The following LAMA1 variants were observed in gnomAD, a reference collection of about 807,000 sequenced individuals.
LAMA1 encodes the protein laminin subunit alpha-1.
A neutral mutation model predicts 348.7 loss-of-function variants in LAMA1; 219 were observed. The ratio of observed to expected loss-of-function variants is 0.63; its 90% CI spans 0.56 to 0.70. The LOEUF (loss-of-function observed/expected upper bound fraction) is 0.70. LAMA1 is among the 30% of genes least tolerant of loss of function. The pLI, the probability that LAMA1 is intolerant of heterozygous loss-of-function variation, is 0.00. For synonymous variants in LAMA1, 1,487 were observed against 1,491.0 expected (o/e 1.00, Z 0.06); for missense variants, 3,744 against 3,888.0 (o/e 0.96, Z 0.99).
At chr18:7,057,157 C>T (rs1274979164) in intron 3 of LAMA1, among the ~76,000 whole-genome samples, 1 of 152,104 alleles carries the variant, frequency 6.6e-6, no homozygotes, top group Non-Finnish European at 1.5e-5. Flanking sequence ...AGGCACCATG[C>T]CCCAACAACT....
At position 7,015,762 on chromosome 18, in the gene LAMA1, T is replaced by G; in HGVS notation, c.3086A>C (p.Glu1029Ala). The G allele has an allele frequency of 6.2e-7, 1 of 1,614,068 alleles. No homozygotes were observed. Among genetic ancestry groups the G allele is most frequent in the Non-Finnish European group, 8.5e-7 (1 of 1,180,004 alleles). Reference sequence around the variant, plus strand: ...CGCATCGTAGCCCCAGTGCCCATCCTCACATTCTTCACACTTCACACCCTG... The same window carrying G: ...CGCATCGTAGCCCCAGTGCCCATCCGCACATTCTTCACACTTCACACCCTG... ...HTQGVKCEECEDGHWGYDAEV... is the reference protein window; with the variant it reads ...HTQGVKCEECADGHWGYDAEV... The change falls in exon 22 of 63, where the codon GAG becomes GCG. Residue 1029 changes from glutamate to alanine, a missense_variant. Coordinates refer to ENST00000389658, the MANE Select transcript of LAMA1 (RefSeq NM_005559.4).
At chr18:6,954,945 G>A (rs2013077) in intron 57 of LAMA1, 130,421 of 318,854 alleles carry the variant, frequency 0.41, 29,210 homozygotes, top group East Asian at 0.63. Flanking sequence ...TGCAGAGAGG[G>A]GTGGGTGTGG....
chr18:7,078,535 G>A (rs1164399701), intron 3 of LAMA1, among the ~76,000 whole-genome samples: 3 of 152,112 alleles, frequency 2.0e-5, no homozygotes, highest in African/African-American at 4.8e-5. Flanking sequence ...TCTTATACCT[G>A]AAAGCTATTA....
chr18:7,072,403 A>G (rs140078005), intron 3 of LAMA1, among the ~76,000 whole-genome samples: 14 of 152,292 alleles, frequency 9.2e-5, no homozygotes, highest in African/African-American at 3.4e-4. Flanking sequence ...ACCACACTTC[A>G]TGCATCTCCA....
At chr18:6,988,771 A>C (rs2057746181) in intron 36 of LAMA1, among the ~76,000 whole-genome samples, 1 of 141,326 alleles carries the variant, frequency 7.1e-6, no homozygotes, top group Non-Finnish European at 1.5e-5. Context: ...CGCACCACTG[A>C]ACCCCAACCT....
At chr18:6,965,933 A>G in intron 49 of LAMA1, 1 of 572,790 alleles carries the variant, frequency 1.7e-6, no homozygotes, top group South Asian at 2.2e-5. Flanking sequence ...GTGTTCTTCT[A>G]TATTTTTCTA....
In LAMA1 at chr18:6,997,881, C is replaced by T. The variant is rs780069219; in HGVS notation, c.4667G>A (p.Cys1556Tyr). The change falls in exon 33 of 63, where the codon TGT (cysteine) becomes TAT (tyrosine). Residue 1556 changes from cysteine (C) to tyrosine (Y), a missense_variant. Cys to Tyr is a radical substitution (Grantham distance 194). Coordinates refer to ENST00000389658, the MANE Select transcript of LAMA1 (RefSeq NM_005559.4). ...HILMETDCVS[C>Y]DDECVGVLLN... ...CAGCACACCTACACACTCATCATCA[C>T]AGGCTACAAGACAAATTTTTAAAAA... 6.2e-7 allele frequency: 1 copy of T among 1,614,102 alleles called. No homozygotes were observed. The highest frequency in any genetic ancestry group is 2.2e-5 in the East Asian group (1 of 44,886).
chr18:6,965,320 T>C lies in LAMA1; in HGVS notation c.7163A>G (p.Tyr2388Cys), dbSNP rs144702457. 6.2e-7 allele frequency: 1 copy of C among 1,614,228 alleles called. No homozygotes were observed. The highest frequency in any genetic ancestry group is 8.5e-7 in the Non-Finnish European group (1 of 1,180,026). The change falls in exon 50 of 63, where the codon TAC (tyrosine) becomes TGC (cysteine). Residue 2388 changes from tyrosine to cysteine, a missense_variant. Around this residue, in one of 3 missense-constraint regions of LAMA1, gnomAD observed 1,983 missense variants for 1,934.3 expected, o/e 1.03. Coordinates refer to ENST00000389658, the MANE Select transcript of LAMA1 (RefSeq NM_005559.4). Reference sequence around the variant, plus strand: ...CCGGTTTCGCTGGAAGGCAATTTTGTACCAGGTTCCATTGTTATAACGTCT... The same window carrying C: ...CCGGTTTCGCTGGAAGGCAATTTTGCACCAGGTTCCATTGTTATAACGTCT... ...TDRRYNNGTW[Y>C]KIAFQRNRKQ...
intron 17 of LAMA1, among the ~76,000 whole-genome samples, chr18:7,025,492 T>C (rs1255444490): frequency 6.6e-6 from 1 of 152,142 alleles, no homozygotes; most frequent in Non-Finnish European, 1.5e-5. Flanking sequence ...GTGAGAACAG[T>C]TTGCTATTCA....
intron 61 of LAMA1, 33 bp downstream of exon 61, chr18:6,947,130 G>A: frequency 1.2e-6 from 2 of 1,605,184 alleles, no homozygotes; most frequent in South Asian, 2.2e-5. Context: ...GACACTGGGG[G>A]GAGGAAGACC....
At chr18:7,115,544 A>G (rs111988592) in intron 1 of LAMA1, among the ~76,000 whole-genome samples, 1 of 152,224 alleles carries the variant, frequency 6.6e-6, no homozygotes, top group Non-Finnish European at 1.5e-5. Flanking sequence ...TCAATAGATA[A>G]TAAGTTATTT....
intron 57 of LAMA1, among the ~76,000 whole-genome samples, chr18:6,953,221 C>T (rs1295495618): frequency 6.6e-6 from 1 of 151,256 alleles, no homozygotes; most frequent in South Asian, 2.1e-4. Flanking sequence ...AGCGGATCCA[C>T]ACCATAGGAG....
chr18:7,009,220 T>A lies in LAMA1; in HGVS notation c.4001+19A>T, dbSNP rs1187634990. The A allele has an allele frequency of 1.9e-6, 3 of 1,613,874 alleles. No individual in the cohort carries two copies. Among genetic ancestry groups the A allele is most frequent in the East Asian group, 2.2e-5 (1 of 44,854 alleles). ...TCAAATATGAAAATAACGGTCAAAATTCTAGAAGCTCCAAGTACCTGCTCT... is the reference window on the plus strand; with the variant it reads ...TCAAATATGAAAATAACGGTCAAAAATCTAGAAGCTCCAAGTACCTGCTCT... On this transcript the variant is annotated intron_variant, in intron 27 of 62. Transcript: ENST00000389658.
intron 3 of LAMA1, among the ~76,000 whole-genome samples, chr18:7,078,935 C>A (rs915991874): frequency 6.6e-6 from 1 of 151,874 alleles, no homozygotes; most frequent in Admixed American, 6.6e-5. Context: ...TGCAGTGTGC[C>A]GAGATCGCGC....
Position 7,010,359 on chromosome 18 carries a change from C to T in LAMA1, c.3714G>A (p.Lys1238=), listed in dbSNP as rs773841958. Residue 1238 remains lysine, a synonymous_variant, in exon 26 of 63, where the codon AAG becomes AAA. Coordinates refer to ENST00000389658, the MANE Select transcript of LAMA1 (RefSeq NM_005559.4). ...CCAAAGAATAGAAGGCCACGCTGTA[C>T]TTCAGTTTGCCACCATAGGCCATGA... is the stretch of plus-strand genomic sequence containing the variant. The part of the protein sequence containing the change: ...DQLMAYGGKL[K]YSVAFYSLDG... The T allele has an allele frequency of 2.5e-6, 4 of 1,614,168 alleles. No homozygotes were observed. Among genetic ancestry groups the T allele is most frequent in the Non-Finnish European group, 2.5e-6 (3 of 1,180,042 alleles).
chr18:7,058,146 C>A (rs528239610), intron 3 of LAMA1, among the ~76,000 whole-genome samples: 1 of 152,138 alleles, frequency 6.6e-6, no homozygotes, highest in South Asian at 2.1e-4. Context: ...TTTTACCAAC[C>A]TTTTGCCAGC....
intron 1 of LAMA1, among the ~76,000 whole-genome samples, chr18:7,085,138 C>G (rs2058209397): frequency 6.6e-6 from 1 of 152,018 alleles, no homozygotes; most frequent in Admixed American, 6.6e-5. Context: ...TTCTTAGCTA[C>G]AGGATCTGAG....
chr18:7,065,250 A>C (rs867618809), intron 3 of LAMA1, among the ~76,000 whole-genome samples: 5 of 149,842 alleles, frequency 3.3e-5, no homozygotes, highest in African/African-American at 7.5e-5. Flanking sequence ...AAAAAAAAAA[A>C]AAACAACGAC....
At chr18:6,947,106 A>G in intron 61 of LAMA1, 57 bp downstream of exon 61, 1 of 1,610,094 alleles carries the variant, frequency 6.2e-7, no homozygotes, top group Non-Finnish European at 8.5e-7. Context: ...CTGTTTCTCA[A>G]TTGCTCTGTC....
Sources: allele counts gnomAD v4.1 joint callset (sites outside exome capture counted in the v4.1 genomes callset), GRCh38; gene constraint gnomAD v4.1.1; regional missense constraint gnomAD v4.1.1; transcripts MANE v1.5; gene names NCBI Gene and HGNC (gene_info 2026-07-23, HGNC 2026-07-21).